The following DHRS3 variants were observed in gnomAD, a reference collection of about 807,000 sequenced individuals.
The protein encoded by DHRS3 is dehydrogenase/reductase 3, also known as short-chain dehydrogenase/reductase 3.
Under a neutral mutation model 27.2 loss-of-function variants are expected in DHRS3, and 14 were observed. The observed-to-expected ratio is 0.52, with a 90% confidence interval of 0.34 to 0.81. The LOEUF (loss-of-function observed/expected upper bound fraction) is 0.81. Ranked by LOEUF, DHRS3 falls within the 30% of genes least tolerant of loss-of-function variation. The probability of loss-of-function intolerance (pLI) is 0.01; values close to 1 mark genes in which losing one functional copy is unlikely to be tolerated. For missense variants in DHRS3, 322 were observed against 406.2 expected (o/e 0.79, Z 1.78); for synonymous variants, 165 against 175.9 (o/e 0.94, Z 0.49).
intron 1 of DHRS3, among the ~76,000 whole-genome samples, chr1:12,610,868 TG>T (rs1428070051): frequency 2.0e-5 from 3 of 152,200 alleles, no homozygotes; most frequent in Admixed American, 6.5e-5. Flanking sequence ...AAATTCTGGG[TG>T]TGTTCATGCT....
In DHRS3 at chr1:12,615,598, C is replaced by G. The variant is rs545412616; in HGVS notation, c.195+1556G>C. ...TCAGCTACAAGAACAGTAAAAGAGA[C>G]CCAGGACTTGGGCCAGCTGGAAGAC... On this transcript the variant is annotated intron_variant, in intron 1 of 5. Coordinates refer to ENST00000616661, the MANE Select transcript of DHRS3 (RefSeq NM_004753.7). Among the ~76,000 whole-genome samples, 10 of 152,256 alleles carry G rather than the reference C, an allele frequency of 6.6e-5. No individual in the cohort carries two copies. The South Asian group carries it at 1.0e-3, about 16-fold the overall frequency.
chr1:12,602,253 C>T (rs1204883913), intron 1 of DHRS3, among the ~76,000 whole-genome samples: 2 of 152,176 alleles, frequency 1.3e-5, no homozygotes, highest in African/African-American at 2.4e-5. Flanking sequence ...GTACCCCTGA[C>T]CAGCCTCAGC....
At chr1:12,569,555 A>T (rs934688048) in intron 5 of DHRS3, among the ~76,000 whole-genome samples, 2 of 151,810 alleles carry the variant, frequency 1.3e-5, no homozygotes, top group Non-Finnish European at 2.9e-5. Context: ...TAGTTTTTTT[A>T]TTTATTTTTA....
intron 1 of DHRS3, among the ~76,000 whole-genome samples, chr1:12,581,246 C>T (rs528038652): frequency 2.3e-4 from 35 of 152,330 alleles, no homozygotes; most frequent in African/African-American, 8.2e-4. Flanking sequence ...TTACTTTTAG[C>T]AGGCTGCCTC....
At position 12,594,356 on chromosome 1, in the gene DHRS3, C is replaced by T. The variant is rs1646771237; in HGVS notation, c.196-13690G>A. ...AGGCCCTGGGATCCAGCGGGGAATA[C>T]ATTTATCTCACTTGCGGAGTTTGCT... On this transcript the variant is annotated intron_variant, in intron 1 of 5. Coordinates refer to ENST00000616661, the MANE Select transcript of DHRS3 (RefSeq NM_004753.7). The surrounding 1 kb of genome is among the most constrained non-coding windows in gnomAD (Gnocchi z 4.1). Among the ~76,000 whole-genome samples, 1 of 152,204 alleles carries T rather than the reference C, an allele frequency of 6.6e-6. No individual in the cohort carries two copies. The highest frequency in any genetic ancestry group is 2.1e-4 in the South Asian group (1 of 4,832).
chr1:12,580,371 G>A, intron 2 of DHRS3, 152 bp downstream of exon 2: 1 of 974,300 alleles, frequency 1.0e-6, no homozygotes. Context: ...TGTAACTGGG[G>A]CCAGCTTCAT....
intron 1 of DHRS3, among the ~76,000 whole-genome samples, chr1:12,596,563 C>T (rs1359818561): frequency 6.6e-6 from 1 of 152,024 alleles, no homozygotes; most frequent in Non-Finnish European, 1.5e-5. Flanking sequence ...CCAGAGCAGC[C>T]CTGGACCGCA....
At chr1:12,588,651 TCAC>T (rs1330883312) in intron 1 of DHRS3, among the ~76,000 whole-genome samples, 1 of 152,180 alleles carries the variant, frequency 6.6e-6, no homozygotes, top group Non-Finnish European at 1.5e-5. Context: ...GCTAACATCA[TCAC>T]AAGACACCAG....
chr1:12,576,026 A>C (rs1040058757), intron 4 of DHRS3, among the ~76,000 whole-genome samples: 3 of 151,960 alleles, frequency 2.0e-5, no homozygotes, highest in African/African-American at 7.2e-5. Context: ...ATTATTATGA[A>C]TCTCTTTTTA....
intron 2 of DHRS3, chr1:12,579,651 T>A (rs1646626557): frequency 9.5e-6 from 4 of 419,884 alleles, no homozygotes; most frequent in Non-Finnish European, 1.7e-5. Flanking sequence ...AATTTTTATA[T>A]TTTTAGTAGA....
chr1:12,603,738 GGCT>G (rs1646851248), intron 1 of DHRS3, among the ~76,000 whole-genome samples: 1 of 152,226 alleles, frequency 6.6e-6, no homozygotes, highest in Non-Finnish European at 1.5e-5. Context: ...ATCCCCGAAA[GGCT>G]GCTGAAAAGA....
intron 1 of DHRS3, among the ~76,000 whole-genome samples, chr1:12,613,269 GCCTCCAGAA>G (rs1161741964): frequency 6.6e-6 from 1 of 152,162 alleles, no homozygotes. Context: ...CAGACTTCTG[GCCTCCAGAA>G]CCACAAGAGA....
At chr1:12,590,461 C>T (rs1646736091) in intron 1 of DHRS3, among the ~76,000 whole-genome samples, 1 of 152,122 alleles carries the variant, frequency 6.6e-6, no homozygotes, top group Non-Finnish European at 1.5e-5. Flanking sequence ...CAGGCATGCG[C>T]CACCACGCCC....
At chr1:12,601,525 C>A (rs1646835806) in intron 1 of DHRS3, among the ~76,000 whole-genome samples, 1 of 152,044 alleles carries the variant, frequency 6.6e-6, no homozygotes, top group Non-Finnish European at 1.5e-5. Context: ...GGAGACATGC[C>A]CAAAGTCAGC....
At chr1:12,570,906 G>A (rs986407027) in intron 5 of DHRS3, among the ~76,000 whole-genome samples, 6 of 152,234 alleles carry the variant, frequency 3.9e-5, no homozygotes, top group Non-Finnish European at 5.9e-5. Context: ...AGGGCTGATC[G>A]GGCTTGCGCC....
At position 12,568,398 on chromosome 1, in the gene DHRS3, TC is replaced by T; in HGVS notation, c.850del (p.Glu284ArgfsTer12). 1 of 1,613,870 alleles carries T rather than the reference TC, an allele frequency of 6.2e-7. No individual in the cohort carries two copies. The highest frequency in any genetic ancestry group is 8.5e-7 in the Non-Finnish European group (1 of 1,179,780). ...GTAGGTTCCTGAGAATTTGTGGATC[TC>T]CTCGAGTGCAGCCTGTGGAAGTATG... ...KSILPQAALE[E>X]IHKFSGTYTC... On this transcript the variant is annotated frameshift_variant, in exon 6 of 6. Transcript: ENST00000616661. LOFTEE classifies it high-confidence loss of function.
At chr1:12,598,500 GCT>G (rs1421619155) in intron 1 of DHRS3, among the ~76,000 whole-genome samples, 1 of 152,152 alleles carries the variant, frequency 6.6e-6, no homozygotes, top group Non-Finnish European at 1.5e-5. Flanking sequence ...AATCCAAAAA[GCT>G]CTAAAATCCT....
intron 5 of DHRS3, among the ~76,000 whole-genome samples, chr1:12,571,526 A>ATTT (rs371364169): frequency 4.5e-4 from 57 of 126,732 alleles, no homozygotes; most frequent in East Asian, 1.4e-3. Flanking sequence ...TGTGAGGTCA[A>ATTT]TTTTTTTTTT....
intron 1 of DHRS3, among the ~76,000 whole-genome samples, chr1:12,599,120 A>G (rs1646818875): frequency 1.3e-5 from 2 of 152,248 alleles, no homozygotes; most frequent in Non-Finnish European, 2.9e-5. Context: ...GCTATCCTAC[A>G]GGCTATTAAT....
Sources: gnomAD v4.1 joint callset for allele counts (sites outside exome capture counted in the v4.1 genomes callset) on GRCh38, gnomAD v4.1.1 for gene constraint, Gnocchi (gnomAD v3.1) non-coding constraint, MANE v1.5 for transcripts, NCBI Gene and HGNC (gene_info 2026-07-23, HGNC 2026-07-21) for gene names.